SPAG16: variants seen among roughly 807,000 people sequenced by gnomAD.
The protein encoded by SPAG16 is sperm associated antigen 16.
A neutral mutation model predicts 80.4 loss-of-function variants in SPAG16; 86 were observed. The ratio of observed to expected loss-of-function variants is 1.07; its 90% CI spans 0.90 to 1.28. SPAG16 has a LOEUF of 1.28. Ranked by LOEUF, SPAG16 falls within the 50% of genes most tolerant of loss-of-function variation. SPAG16 has a pLI of 0.00. For synonymous variants in SPAG16, 294 were observed against 265.9 expected, an observed-to-expected ratio of 1.11 and a Z score of -1.03; for missense variants, 870 against 765.3, an observed-to-expected ratio of 1.14 and a Z score of -1.61.
At chr2:213,651,015 G>T (rs1404030203) in intron 10 of SPAG16, among the ~76,000 whole-genome samples, 1 of 152,138 alleles carries the variant, frequency 6.6e-6, no homozygotes, top group East Asian at 1.9e-4. Context: ...AGGAGATAAG[G>T]ATTTATTTTA....
chr2:214,350,750 C>A (rs1219135334), intron 15 of SPAG16, among the ~76,000 whole-genome samples: 1 of 152,074 alleles, frequency 6.6e-6, no homozygotes, highest in African/African-American at 2.4e-5. Flanking sequence ...TAGTAATAAG[C>A]TCCTAGAAGC....
intron 10 of SPAG16, among the ~76,000 whole-genome samples, chr2:213,812,951 A>C (rs1192146681): frequency 6.6e-6 from 1 of 152,212 alleles, no homozygotes; most frequent in Admixed American, 6.5e-5. Flanking sequence ...TAAAAGATTA[A>C]GAAACAGCCT....
chr2:214,011,652 T>G (rs2047286937), intron 12 of SPAG16, among the ~76,000 whole-genome samples: 1 of 152,204 alleles, frequency 6.6e-6, no homozygotes, highest in Non-Finnish European at 1.5e-5. Context: ...GGTATACACA[T>G]CATCAACTTT....
intron 15 of SPAG16, among the ~76,000 whole-genome samples, chr2:214,380,761 G>A (rs764960556): frequency 6.6e-5 from 10 of 152,174 alleles, no homozygotes; most frequent in South Asian, 2.1e-4. Context: ...ACAGCATGTC[G>A]GGCAGCAGCA....
chr2:214,319,200 C>CCACACACACACACACACACACACACACA lies in SPAG16; in HGVS notation c.1721-90916_1721-90915insCACACACACACACACACACACACACACA, dbSNP rs61711759. Among the ~76,000 whole-genome samples the CCACACACACACACACACACACACACACA allele has an allele frequency of 1.4e-3, 205 of 142,340 alleles. 3 individuals carry two copies. Among genetic ancestry groups the CCACACACACACACACACACACACACACA allele is most frequent in the East Asian group, 9.3e-3 (45 of 4,864 alleles). The allele number at this position is 142,340 out of a possible 152,430, so 93.4% of individuals were successfully genotyped here. ...CCTAATAAACTTGCACACACACACACCACACACACACACACACACACACAA... is the reference window on the plus strand; with the variant it reads ...CCTAATAAACTTGCACACACACACACCACACACACACACACACACACACACACACACACACACACACACACACACACAA... On this transcript the variant is annotated intron_variant, in intron 15 of 15. Coordinates refer to ENST00000331683, the MANE Select transcript of SPAG16 (RefSeq NM_024532.5).
intron 12 of SPAG16, among the ~76,000 whole-genome samples, chr2:213,930,529 C>T (rs905566029): frequency 2.0e-5 from 3 of 152,050 alleles, no homozygotes; most frequent in Admixed American, 6.6e-5. Context: ...GTTCAACGAA[C>T]GTAAATATAA....
chr2:213,791,034 T>G (rs978860407), intron 10 of SPAG16, among the ~76,000 whole-genome samples: 2 of 152,070 alleles, frequency 1.3e-5, no homozygotes, highest in African/African-American at 4.8e-5. Context: ...ATCACTGATT[T>G]TTTTTAGAAG....
intron 3 of SPAG16, among the ~76,000 whole-genome samples, chr2:213,297,942 A>G (rs1160880933): frequency 6.6e-6 from 1 of 152,192 alleles, no homozygotes; most frequent in Non-Finnish European, 1.5e-5. Context: ...TTTTGTACCA[A>G]CATTAAGAAG....
chr2:214,208,041 G>A (rs2058194438), intron 15 of SPAG16, among the ~76,000 whole-genome samples: 1 of 152,166 alleles, frequency 6.6e-6, no homozygotes. Context: ...TACCTCCTCA[G>A]TTTGCAGACT....
intron 15 of SPAG16, among the ~76,000 whole-genome samples, chr2:214,279,427 C>A (rs1576664248): frequency 1.3e-5 from 2 of 152,246 alleles, no homozygotes; most frequent in Admixed American, 6.5e-5. Flanking sequence ...AGATGAAAAA[C>A]ACAGTGCTAC....
At chr2:214,266,934 A>G (rs577906186) in intron 15 of SPAG16, among the ~76,000 whole-genome samples, 1 of 151,920 alleles carries the variant, frequency 6.6e-6, no homozygotes, top group East Asian at 1.9e-4. Context: ...TGAAAATAAA[A>G]GGTGTCACAA....
intron 15 of SPAG16, among the ~76,000 whole-genome samples, chr2:214,156,392 A>G (rs1274372385): frequency 6.6e-6 from 1 of 152,228 alleles, no homozygotes; most frequent in African/African-American, 2.4e-5. Flanking sequence ...ACTGAGAGAC[A>G]AAGACAGCCA....
intron 10 of SPAG16, among the ~76,000 whole-genome samples, chr2:213,732,389 G>A (rs979669935): frequency 5.3e-5 from 8 of 152,052 alleles, no homozygotes; most frequent in African/African-American, 1.4e-4. Flanking sequence ...AAGGAGGGAT[G>A]TCCTCAAGGA....
At chr2:214,212,519 T>C (rs772924736) in intron 15 of SPAG16, among the ~76,000 whole-genome samples, 7 of 152,070 alleles carry the variant, frequency 4.6e-5, no homozygotes, top group Non-Finnish European at 8.8e-5. Flanking sequence ...AAGTGAAGGC[T>C]TCACAAGGGC....
At chr2:213,672,268 C>G (rs2063839333) in intron 10 of SPAG16, among the ~76,000 whole-genome samples, 1 of 151,734 alleles carries the variant, frequency 6.6e-6, no homozygotes, top group Non-Finnish European at 1.5e-5. Context: ...CTTTTCCTCA[C>G]TCAGTCCCTA....
intron 15 of SPAG16, among the ~76,000 whole-genome samples, chr2:214,278,440 C>A (rs1160848041): frequency 6.6e-6 from 1 of 152,086 alleles, no homozygotes; most frequent in Admixed American, 6.5e-5. Context: ...TCCTATGCAG[C>A]CATCTTAGAA....
At chr2:213,987,121 T>G (rs2046053260) in intron 12 of SPAG16, among the ~76,000 whole-genome samples, 1 of 152,108 alleles carries the variant, frequency 6.6e-6, no homozygotes. Context: ...TTAATTTGTC[T>G]TGCATTATAT....
chr2:214,115,131 T>A (rs1384353297), intron 14 of SPAG16, among the ~76,000 whole-genome samples: 4 of 152,214 alleles, frequency 2.6e-5, no homozygotes, highest in South Asian at 2.1e-4. Flanking sequence ...TGACATTTTT[T>A]AAGGAAATTT....
chr2:214,208,625 G>T (rs1026662774), intron 15 of SPAG16, among the ~76,000 whole-genome samples: 1 of 152,080 alleles, frequency 6.6e-6, no homozygotes, highest in Non-Finnish European at 1.5e-5. Flanking sequence ...CTCTCCCACT[G>T]TGTAACTGGA....
Sources: allele counts gnomAD v4.1 joint callset (sites outside exome capture counted in the v4.1 genomes callset), GRCh38; gene constraint gnomAD v4.1.1; transcripts MANE v1.5; gene names NCBI Gene and HGNC (gene_info 2026-07-23, HGNC 2026-07-21).